PCDH15: variants seen among roughly 807,000 people sequenced by gnomAD.
PCDH15 encodes the protein protocadherin related 15.
In PCDH15, 129 loss-of-function variants were observed where a neutral mutation model predicts 178.5. The ratio of observed to expected loss-of-function variants is 0.72; its 90% confidence interval spans 0.63 to 0.84. The LOEUF is 0.84. Among genes scored for constraint, PCDH15 ranks in the 40% least tolerant of loss-of-function variants. The pLI is 0.00. For synonymous variants in PCDH15, 800 were observed against 732.0 expected, an observed-to-expected ratio of 1.09 and a Z score of -1.50; for missense variants, 2,230 against 2,099.9, an observed-to-expected ratio of 1.06 and a Z score of -1.21.
intron 2 of PCDH15, among the ~76,000 whole-genome samples, chr10:55,591,724 T>C (rs1842845843): frequency 6.6e-6 from 1 of 152,140 alleles, no homozygotes; most frequent in East Asian, 1.9e-4. Context: ...TAGCTTTCAT[T>C]TGACACACAG....
intron 26 of PCDH15, among the ~76,000 whole-genome samples, chr10:53,900,361 G>A (rs957394106): frequency 1.3e-5 from 2 of 151,962 alleles, no homozygotes; most frequent in Non-Finnish European, 2.9e-5. Flanking sequence ...ATTACCCACT[G>A]ATAGTTTGAA....
intron 2 of PCDH15, among the ~76,000 whole-genome samples, chr10:55,368,570 G>C (rs924530088): frequency 6.6e-6 from 1 of 152,076 alleles, no homozygotes; most frequent in African/African-American, 2.4e-5. Flanking sequence ...GTCTGTTAAA[G>C]TACACAGTCT....
chr10:54,794,904 T>C (rs905647684), intron 1 of PCDH15, among the ~76,000 whole-genome samples: 1 of 151,904 alleles, frequency 6.6e-6, no homozygotes, highest in Admixed American at 6.6e-5. Flanking sequence ...TTCTGAATTG[T>C]AAAATTCAAA....
rs534218716 is a variant in PCDH15 at position 54,778,207 on chromosome 10, G to A, written c.-29+22718C>T. The stretch of plus-strand genomic sequence containing the variant: ...TGTATTTGCACTGATCGAGATGGGT[G>A]AGTTCAACAAGGGAATCCAGTCTCA... On this transcript the variant is annotated intron_variant, in intron 1 of 37. Transcript: ENST00000644397. 2.6e-5 allele frequency among the ~76,000 whole-genome samples: 4 copies of A among 152,318 alleles called. 1 individual carries two copies. The highest frequency in any genetic ancestry group is 9.6e-5 in the African/African-American group (4 of 41,570).
In PCDH15 at chr10:54,422,813, A is replaced by T. The variant is rs760846563; in HGVS notation, c.158-43871T>A. Reference sequence around the variant, plus strand: ...TGATTTTGTCATTGTCAGTTAGGGCAGCAGAGAACTCCAGTTCTGAAAATT... The same window carrying T: ...TGATTTTGTCATTGTCAGTTAGGGCTGCAGAGAACTCCAGTTCTGAAAATT... On this transcript the variant is annotated intron_variant, in intron 3 of 37. Transcript: ENST00000644397. 8.9e-4 allele frequency among the ~76,000 whole-genome samples: 135 copies of T among 152,332 alleles called. 2 individuals are homozygous for T. Among genetic ancestry groups the T allele is most frequent in the Non-Finnish European group, 2.2e-4 (15 of 68,030 alleles).
At chr10:54,425,473 C>T (rs1311933294) in intron 3 of PCDH15, among the ~76,000 whole-genome samples, 7 of 152,060 alleles carry the variant, frequency 4.6e-5, no homozygotes, top group South Asian at 2.1e-4. Flanking sequence ...GCCTCCTTAG[C>T]TGTAGAAAAT....
At chr10:54,102,771 G>A (rs1457561511) in intron 15 of PCDH15, among the ~76,000 whole-genome samples, 1 of 152,108 alleles carries the variant, frequency 6.6e-6, no homozygotes, top group Non-Finnish European at 1.5e-5. Context: ...TTCCAGCACT[G>A]GGGAAATGAC....
At chr10:54,332,297 C>CTGTATTAT (rs1564989104) in intron 6 of PCDH15, among the ~76,000 whole-genome samples, 1 of 42,524 alleles carries the variant, frequency 2.4e-5, no homozygotes, top group African/African-American at 8.9e-5. Flanking sequence ...ATCTATATTA[C>CTGTATTAT]ATATTATTAT....
chr10:54,323,444 CA>C (rs1336269248), intron 7 of PCDH15, among the ~76,000 whole-genome samples: 1 of 151,878 alleles, frequency 6.6e-6, no homozygotes, highest in African/African-American at 2.4e-5. Flanking sequence ...TTCACAATAG[CA>C]AAAAACATGG....
intron 2 of PCDH15, among the ~76,000 whole-genome samples, chr10:55,564,830 T>C (rs1842268946): frequency 6.6e-6 from 1 of 151,602 alleles, no homozygotes; most frequent in South Asian, 2.1e-4. Context: ...AATATCAACA[T>C]GTACATAACA....
chr10:55,240,992 G>A (rs149107635), intron 1 of PCDH15, among the ~76,000 whole-genome samples: 8,901 of 152,244 alleles, frequency 0.058, 342 homozygotes, highest in Non-Finnish European at 0.088. Context: ...CAAGGCGGGC[G>A]GATCACGAGG....
At chr10:55,521,695 T>C (rs749397091) in intron 2 of PCDH15, among the ~76,000 whole-genome samples, 4 of 151,970 alleles carry the variant, frequency 2.6e-5, no homozygotes, top group Non-Finnish European at 5.9e-5. Flanking sequence ...GCAGATTTTA[T>C]TTACATTGGG....
intron 2 of PCDH15, among the ~76,000 whole-genome samples, chr10:55,431,535 A>G (rs1490612759): frequency 6.6e-6 from 1 of 152,182 alleles, no homozygotes; most frequent in African/African-American, 2.4e-5. Flanking sequence ...TGGATATATG[A>G]TATCACTGGA....
intron 3 of PCDH15, among the ~76,000 whole-genome samples, chr10:54,439,585 AAGC>A (rs2075665199): frequency 6.6e-6 from 1 of 151,080 alleles, no homozygotes; most frequent in African/African-American, 2.5e-5. Flanking sequence ...GTTCATTTGG[AAGC>A]AGTGGGGAAA....
At chr10:55,001,087 T>C (rs371929241) in intron 2 of PCDH15, among the ~76,000 whole-genome samples, 55 of 152,088 alleles carry the variant, frequency 3.6e-4, no homozygotes, top group African/African-American at 1.2e-3. Flanking sequence ...TTCTGAGAGC[T>C]AGACATTCAC....
intron 2 of PCDH15, among the ~76,000 whole-genome samples, chr10:55,506,674 G>A (rs1006352211): frequency 9.9e-5 from 15 of 151,380 alleles, no homozygotes; most frequent in African/African-American, 2.4e-4. Flanking sequence ...TTTTATTCCC[G>A]GGAGAGTGTA....
In PCDH15 at chr10:55,106,371, A is replaced by T. The variant is rs1004163043; in HGVS notation, c.-80+60205T>A. Among the ~76,000 whole-genome samples, 4 of 152,236 alleles carry T rather than the reference A, an allele frequency of 2.6e-5. No homozygotes were observed. The South Asian group carries it at 8.3e-4, about 32-fold the overall frequency. On this transcript the variant is annotated intron_variant, in intron 2 of 5. Transcript: ENST00000458638. The stretch of plus-strand genomic sequence containing the variant: ...TTTTTGACATAAACTATAGAATAAG[A>T]AGATATGAAACAAACATAAATATAC...
At chr10:55,077,398 T>TCTTCCTTCCTTCCTTCCTTCCTTCCTTC (rs58045517) in intron 2 of PCDH15, among the ~76,000 whole-genome samples, 35 of 137,592 alleles carry the variant, frequency 2.5e-4, no homozygotes, top group African/African-American at 8.7e-4. Flanking sequence ...TGGTTTTCTC[T>TCTTCCTTCCTTCCTTCCTTCCTTCCTTC]CTTCCTTCCT....
intron 11 of PCDH15, among the ~76,000 whole-genome samples, chr10:54,194,206 G>A (rs1229421356): frequency 7.2e-6 from 1 of 138,396 alleles, no homozygotes; most frequent in African/African-American, 3.3e-5. Flanking sequence ...TATTTAGAAA[G>A]AGAAAAAAAA....
Sources: gnomAD v4.1 joint callset for allele counts (sites outside exome capture counted in the v4.1 genomes callset) on GRCh38, gnomAD v4.1.1 for gene constraint, MANE v1.5 for transcripts, NCBI Gene and HGNC (gene_info 2026-07-23, HGNC 2026-07-21) for gene names.